Variants in ANO3 observed in about 807,000 individuals in gnomAD.
The protein encoded by ANO3 is anoctamin 3, also known as anoctamin-3.
Under a neutral mutation model 144.8 loss-of-function variants are expected in ANO3, and 99 were observed. The observed-to-expected ratio is 0.68, with a 90% CI of 0.58 to 0.81. ANO3 has a LOEUF of 0.81. Among genes scored for constraint, ANO3 ranks in the 30% least tolerant of loss-of-function variants. The pLI is 0.00. For synonymous variants in ANO3, 414 were observed against 392.6 expected (o/e 1.05, Z -0.64); for missense variants, 905 against 1,202.2 (o/e 0.75, Z 3.66).
At chr11:26,410,482 A>C (rs1425850888) in intron 1 of ANO3, among the ~76,000 whole-genome samples, 1 of 151,884 alleles carries the variant, frequency 6.6e-6, no homozygotes, top group Non-Finnish European at 1.5e-5. Context: ...ATTGAACACA[A>C]GTTGATTCTA....
intron 26 of ANO3, among the ~76,000 whole-genome samples, chr11:26,658,041 C>T (rs1323850219): frequency 6.6e-6 from 1 of 152,126 alleles, no homozygotes; most frequent in East Asian, 1.9e-4. Context: ...AAAATCTCTG[C>T]CCAGGTCTAT....
At chr11:26,441,674 C>G (rs1858526876) in intron 1 of ANO3, among the ~76,000 whole-genome samples, 1 of 152,070 alleles carries the variant, frequency 6.6e-6, no homozygotes, top group African/African-American at 2.4e-5. Flanking sequence ...TTTCACAGAA[C>G]TTTTAAAGGA....
At chr11:26,453,659 T>C (rs1188596018) in intron 3 of ANO3, among the ~76,000 whole-genome samples, 5 of 152,136 alleles carry the variant, frequency 3.3e-5, no homozygotes, top group African/African-American at 1.2e-4. Context: ...CTGTCAACAT[T>C]AGACAGATCA....
At chr11:26,576,503 G>C (rs916579725) in intron 14 of ANO3, among the ~76,000 whole-genome samples, 1 of 152,132 alleles carries the variant, frequency 6.6e-6, no homozygotes, top group African/African-American at 2.4e-5. Flanking sequence ...TCAGCACATA[G>C]TAGTTACTCA....
rs369612230 is a variant in ANO3, at chr11:26,222,141, T to G, written c.154+32811T>G. ...AGCCTGTAAAATCAAAACAAGTTAT[T>G]TATTTCCAAGATAAGTCTTACCATC... On this transcript the variant is annotated intron_variant, in intron 1 of 27. Coordinates refer to the ANO3 transcript ENST00000672621. Among the ~76,000 whole-genome samples the G allele has an allele frequency of 2.8e-4, 43 of 152,356 alleles. No individual in the cohort carries two copies. In the South Asian group the frequency reaches 8.9e-3, roughly 32 times the overall value.
chr11:26,270,905 G>T (rs145676089), intron 1 of ANO3, among the ~76,000 whole-genome samples: 1 of 152,138 alleles, frequency 6.6e-6, no homozygotes, highest in African/African-American at 2.4e-5. Flanking sequence ...TCAGCTGGAG[G>T]ATAAAAGAAA....
At chr11:26,268,332 A>G (rs1024817466) in intron 1 of ANO3, among the ~76,000 whole-genome samples, 15 of 152,146 alleles carry the variant, frequency 9.9e-5, no homozygotes, top group Admixed American at 9.8e-4. Flanking sequence ...AATACCTACA[A>G]AATGGAGAAG....
At chr11:26,652,211 T>G (rs1565167821) in intron 24 of ANO3, among the ~76,000 whole-genome samples, 1 of 152,252 alleles carries the variant, frequency 6.6e-6, no homozygotes. Context: ...ACATACTTTG[T>G]GTGGACCTGA....
At chr11:26,515,730 G>A (rs1476944007) in intron 5 of ANO3, among the ~76,000 whole-genome samples, 1 of 151,904 alleles carries the variant, frequency 6.6e-6, no homozygotes, top group Non-Finnish European at 1.5e-5. Context: ...ACATCTAATG[G>A]AAATATAATG....
At chr11:26,585,512 G>T (rs2131692) in intron 14 of ANO3, among the ~76,000 whole-genome samples, 32 of 151,854 alleles carry the variant, frequency 2.1e-4, no homozygotes, top group Admixed American at 1.0e-3. Flanking sequence ...TTGAGCCATT[G>T]TTCCTTTGCT....
intron 1 of ANO3, among the ~76,000 whole-genome samples, chr11:26,225,921 T>C (rs769255991): frequency 2.0e-5 from 3 of 152,164 alleles, no homozygotes; most frequent in Non-Finnish European, 2.9e-5. Flanking sequence ...TCTTTACTTA[T>C]ACATTAGTAC....
chr11:26,350,424 A>C (rs1855616510), intron 1 of ANO3, among the ~76,000 whole-genome samples: 1 of 152,230 alleles, frequency 6.6e-6, no homozygotes, highest in Non-Finnish European at 1.5e-5. Context: ...TCTAGTTTTC[A>C]AATAACACAT....
intron 4 of ANO3, among the ~76,000 whole-genome samples, chr11:26,469,805 A>G (rs1229188436): frequency 6.6e-6 from 1 of 152,006 alleles, no homozygotes; most frequent in African/African-American, 2.4e-5. Context: ...AATGTAATTT[A>G]TAATGTAAGA....
At chr11:26,420,155 A>C (rs1857710205) in intron 1 of ANO3, among the ~76,000 whole-genome samples, 2 of 152,034 alleles carry the variant, frequency 1.3e-5, no homozygotes, top group South Asian at 2.1e-4. Flanking sequence ...TATATTGTTG[A>C]CCTTTGTGTC....
At chr11:26,380,856 CCTG>C (rs1373152191) in intron 1 of ANO3, among the ~76,000 whole-genome samples, 2 of 152,050 alleles carry the variant, frequency 1.3e-5, no homozygotes, top group Non-Finnish European at 2.9e-5. Context: ...GTGGTGTGTG[CCTG>C]TAATCCCAGC....
intron 14 of ANO3, among the ~76,000 whole-genome samples, chr11:26,596,016 C>T (rs1477044504): frequency 1.3e-5 from 2 of 152,092 alleles, no homozygotes; most frequent in Admixed American, 6.5e-5. Flanking sequence ...TCAGTGGTCT[C>T]AGTGTTTTGG....
At position 26,264,806 on chromosome 11, in the gene ANO3, A is replaced by G. The variant is rs73439651; in HGVS notation, c.155-44839A>G. 7.0e-3 allele frequency among the ~76,000 whole-genome samples: 1,072 copies of G among 152,128 alleles called. 12 individuals carry two copies. The highest frequency in any genetic ancestry group is 0.024 in the African/African-American group (1,014 of 41,478). The stretch of plus-strand genomic sequence containing the variant: ...ATTTTCATTTTTTATATAAGACAAT[A>G]GTCATATTGGATTAAGACCCACCCT... On this transcript the variant is annotated intron_variant, in intron 1 of 27. Transcript: ENST00000672621.
At chr11:26,414,758 T>A (rs4923357) in intron 1 of ANO3, among the ~76,000 whole-genome samples, 117,861 of 139,934 alleles carry the variant, frequency 0.84, 48,168 homozygotes, top group Admixed American at 0.89. Flanking sequence ...ACAGTAAAGT[T>A]AAAAAAAAAA....
At chr11:26,385,824 T>C (rs12290712) in intron 1 of ANO3, among the ~76,000 whole-genome samples, 3 of 137,908 alleles carry the variant, frequency 2.2e-5, no homozygotes, top group Admixed American at 7.1e-5. Flanking sequence ...TTCACACACA[T>C]ACACACACAC....
Sources: allele counts gnomAD v4.1 joint callset (sites outside exome capture counted in the v4.1 genomes callset), GRCh38; gene constraint gnomAD v4.1.1; transcripts MANE v1.5; gene names NCBI Gene and HGNC (gene_info 2026-07-23, HGNC 2026-07-21).